The following AGBL4 variants were observed in gnomAD, a reference collection of about 807,000 sequenced individuals.
AGBL4 encodes the protein cytosolic carboxypeptidase 6.
AGBL4 carries 58 observed loss-of-function variants against 66.4 expected under a neutral mutation model. The observed-to-expected ratio is 0.87, with a 90% CI of 0.71 to 1.09. The LOEUF (loss-of-function observed/expected upper bound fraction) is 1.09, where lower values mean the gene tolerates loss of function less well. Among genes scored for constraint, AGBL4 ranks in the 50% least tolerant of loss-of-function variants. The probability of loss-of-function intolerance (pLI) is 0.00; values close to 1 mark genes in which losing one functional copy is unlikely to be tolerated. For missense variants in AGBL4, 579 were observed against 631.0 expected, an observed-to-expected ratio of 0.92 and a Z score of 0.88; for synonymous variants, 234 against 222.9, an observed-to-expected ratio of 1.05 and a Z score of -0.44.
intron 3 of AGBL4, among the ~76,000 whole-genome samples, chr1:49,302,341 C>A (rs531546944): frequency 6.6e-6 from 1 of 151,862 alleles, no homozygotes; most frequent in Non-Finnish European, 1.5e-5. Context: ...CAACCTCTGC[C>A]TCCCAGGTTG....
downstream of AGBL4, among the ~76,000 whole-genome samples, chr1:48,529,266 G>A (rs1643894652): frequency 6.6e-6 from 1 of 151,852 alleles, no homozygotes; most frequent in Non-Finnish European, 1.5e-5. Context: ...GTCATCTGGG[G>A]AGAAGAAAAG....
intron 4 of AGBL4, among the ~76,000 whole-genome samples, chr1:49,094,085 G>A (rs1046699229): frequency 1.3e-5 from 2 of 152,108 alleles, no homozygotes; most frequent in African/African-American, 2.4e-5. Flanking sequence ...AAAATGAAAA[G>A]GATGGAATAG....
At chr1:48,764,824 C>T (rs1174584236) in intron 6 of AGBL4, among the ~76,000 whole-genome samples, 1 of 152,190 alleles carries the variant, frequency 6.6e-6, no homozygotes, top group East Asian at 1.9e-4. Flanking sequence ...AATAGAGCCC[C>T]GTGCAGACAA....
intron 2 of AGBL4, among the ~76,000 whole-genome samples, chr1:49,714,837 T>A (rs1286646710): frequency 1.3e-5 from 2 of 152,040 alleles, no homozygotes; most frequent in African/African-American, 2.4e-5. Flanking sequence ...TTTTAATTCT[T>A]TGAGAAATCT....
intron 1 of AGBL4, among the ~76,000 whole-genome samples, chr1:49,996,859 G>A (rs551210070): frequency 6.6e-6 from 1 of 152,140 alleles, no homozygotes. Context: ...ATTAATAGCA[G>A]ATTTTTCAGC....
At chr1:49,541,932 G>A (rs930342112) in intron 3 of AGBL4, among the ~76,000 whole-genome samples, 3 of 152,096 alleles carry the variant, frequency 2.0e-5, no homozygotes, top group African/African-American at 7.2e-5. Flanking sequence ...GAACCTTTAC[G>A]TCTAGCTAAG....
At chr1:49,240,768 CTT>C (rs985607255) in intron 4 of AGBL4, among the ~76,000 whole-genome samples, 2 of 151,866 alleles carry the variant, frequency 1.3e-5, no homozygotes, top group Non-Finnish European at 2.9e-5. Context: ...ATATTCCTCT[CTT>C]GAGTCTCTTA....
intron 3 of AGBL4, among the ~76,000 whole-genome samples, chr1:49,689,447 C>T (rs1435179181): frequency 6.6e-6 from 1 of 152,138 alleles, no homozygotes; most frequent in African/African-American, 2.4e-5. Flanking sequence ...GCTTTTATGC[C>T]AGTACCATGC....
intron 12 of AGBL4, among the ~76,000 whole-genome samples, chr1:48,537,790 C>A (rs1484209418): frequency 6.6e-6 from 1 of 152,200 alleles, no homozygotes; most frequent in Non-Finnish European, 1.5e-5. Context: ...TCTAAGAATT[C>A]TTTTGAGTTT....
At chr1:48,801,441 T>G (rs1645804070) in intron 6 of AGBL4, among the ~76,000 whole-genome samples, 1 of 152,216 alleles carries the variant, frequency 6.6e-6, no homozygotes, top group Non-Finnish European at 1.5e-5. Flanking sequence ...CCTCCCTAGT[T>G]TCTCTGGCTG....
chr1:49,337,696 T>C (rs1645465143), intron 3 of AGBL4, among the ~76,000 whole-genome samples: 1 of 152,216 alleles, frequency 6.6e-6, no homozygotes, highest in African/African-American at 2.4e-5. Flanking sequence ...ACCTTCTACA[T>C]GGCATAGGCT....
intron 2 of AGBL4, among the ~76,000 whole-genome samples, chr1:49,774,689 A>G (rs1216558474): frequency 6.6e-6 from 1 of 152,200 alleles, no homozygotes; most frequent in East Asian, 1.9e-4. Context: ...ATTCTGCAAT[A>G]ATAGTTATGT....
rs1645086715 is a variant in AGBL4, at chr1:49,607,809, A to G, written c.282+89504T>C. Among the ~76,000 whole-genome samples, 4 of 152,106 alleles carry G rather than the reference A, an allele frequency of 2.6e-5. No homozygotes were observed. The South Asian group carries it at 8.3e-4, about 32-fold the overall frequency. On this transcript the variant is annotated intron_variant, in intron 3 of 13. Coordinates refer to ENST00000371839, the MANE Select transcript of AGBL4 (RefSeq NM_032785.4). ...GTTTGACTTCTCCAACCCACATCATATTTCTCCTTTATAGCTCATAGACTC... is the reference window on the plus strand; with the variant it reads ...GTTTGACTTCTCCAACCCACATCATGTTTCTCCTTTATAGCTCATAGACTC...
At chr1:49,233,745 G>T (rs1159544239) in intron 4 of AGBL4, among the ~76,000 whole-genome samples, 2 of 152,144 alleles carry the variant, frequency 1.3e-5, no homozygotes, top group Non-Finnish European at 2.9e-5. Context: ...TATTAAGGAT[G>T]AATTCATTCA....
At position 48,899,851 on chromosome 1, in the gene AGBL4, G is replaced by A. The variant is rs566058062; in HGVS notation, c.595-32621C>T. 3.2e-4 allele frequency among the ~76,000 whole-genome samples: 48 copies of A among 152,230 alleles called. 1 individual carries two copies. The highest frequency in any genetic ancestry group is 1.1e-3 in the African/African-American group (45 of 41,534). ...TCATCTAGCATTTACAGTTTATTAC[G>A]GGAAGAAAGACTTTTTAAAATAATC... On this transcript the variant is annotated intron_variant, in intron 5 of 13. Coordinates refer to ENST00000371839, the MANE Select transcript of AGBL4 (RefSeq NM_032785.4).
At chr1:48,733,002 C>A (rs72904826) in intron 6 of AGBL4, among the ~76,000 whole-genome samples, 1 of 152,022 alleles carries the variant, frequency 6.6e-6, no homozygotes, top group African/African-American at 2.4e-5. Context: ...GATTTAGAGA[C>A]GAGGAAGTCA....
chr1:49,517,637 T>A (rs1216740478), intron 3 of AGBL4, among the ~76,000 whole-genome samples: 1 of 151,978 alleles, frequency 6.6e-6, no homozygotes, highest in Non-Finnish European at 1.5e-5. Flanking sequence ...ACCTCCATTT[T>A]GCAGATAATA....
intron 5 of AGBL4, among the ~76,000 whole-genome samples, chr1:49,020,207 T>C (rs1663140361): frequency 6.6e-6 from 1 of 152,032 alleles, no homozygotes. Context: ...ATGTGGCTGT[T>C]GTCACCATCA....
intron 4 of AGBL4, among the ~76,000 whole-genome samples, chr1:49,164,468 G>A (rs893617014): frequency 2.0e-5 from 3 of 152,098 alleles, no homozygotes; most frequent in Non-Finnish European, 2.9e-5. Context: ...GCCCAAAAAG[G>A]AGACAAAGAA....
Sources: gnomAD v4.1 joint callset for allele counts (sites outside exome capture counted in the v4.1 genomes callset) on GRCh38, gnomAD v4.1.1 for gene constraint, MANE v1.5 for transcripts, NCBI Gene and HGNC (gene_info 2026-07-23, HGNC 2026-07-21) for gene names.